The following CBFA2T2 variants were observed in gnomAD, a reference collection of about 807,000 sequenced individuals.
CBFA2T2 encodes CBFA2/RUNX1 partner transcriptional co-repressor 2.
In CBFA2T2, 11 loss-of-function variants were observed where a neutral mutation model predicts 62.2. The observed-to-expected ratio is 0.18, with a 90% CI of 0.11 to 0.29. CBFA2T2 has a LOEUF of 0.29. Among genes scored for constraint, CBFA2T2 ranks in the 10% least tolerant of loss-of-function variants. CBFA2T2 has a pLI of 1.00. For synonymous variants in CBFA2T2, 295 were observed against 287.5 expected (o/e 1.03, Z -0.27); for missense variants, 592 against 774.1 (o/e 0.76, Z 2.79).
intron 9 of CBFA2T2, among the ~76,000 whole-genome samples, chr20:33,639,878 G>A (rs913985621): frequency 3.3e-5 from 5 of 152,054 alleles, no homozygotes; most frequent in Non-Finnish European, 1.5e-5. Context: ...AACAGAGCAA[G>A]GCCCTGTCTC....
At chr20:33,576,999 T>C (rs898553563) in intron 1 of CBFA2T2, among the ~76,000 whole-genome samples, 2 of 152,240 alleles carry the variant, frequency 1.3e-5, no homozygotes, top group African/African-American at 4.8e-5. Context: ...CAAAAAAAGA[T>C]GGAGCACTCC....
intron 1 of CBFA2T2, among the ~76,000 whole-genome samples, chr20:33,574,486 G>A (rs1420483820): frequency 1.3e-5 from 2 of 152,110 alleles, no homozygotes; most frequent in East Asian, 1.9e-4. Flanking sequence ...TTAGCCAGGC[G>A]TGGTGGCACA....
In CBFA2T2 at chr20:33,645,341, G is replaced by A. The variant is rs529402099; in HGVS notation, c.*695G>A. 3 of 152,286 alleles carry A rather than the reference G, an allele frequency of 2.0e-5. No homozygotes were observed. The East Asian group carries it at 5.8e-4, about 29-fold the overall frequency. 9.4% of individuals were successfully genotyped at this position (152,286 alleles called of 1,614,324 possible). ...AACCTTGCTGGCTACTTTAGTTTGG[G>A]ACCTGTTTTTTTTCTCATTTGATTT... is the stretch of plus-strand genomic sequence containing the variant. On this transcript the variant is annotated 3_prime_UTR_variant, in exon 11 of 11. Transcript: ENST00000342704.
chr20:33,647,538 C>A lies in CBFA2T2; in HGVS notation c.*2892C>A, dbSNP rs1046849426. The A allele has an allele frequency of 6.6e-6, 1 of 152,216 alleles. No individual in the cohort carries two copies. Among genetic ancestry groups the A allele is most frequent in the Non-Finnish European group, 1.5e-5 (1 of 68,060 alleles). 9.4% of individuals were successfully genotyped at this position (152,216 alleles called of 1,614,324 possible). On this transcript the variant is annotated 3_prime_UTR_variant, in exon 11 of 11. Coordinates refer to ENST00000342704, the MANE Select transcript of CBFA2T2 (RefSeq NM_001032999.3). ...ACCTCAGGTGATCCCCCCACCTTGG[C>A]CTCCCAAAGTGCCAGGATTACAGGC...
chr20:33,536,932 C>T (rs1263325440), intron 1 of CBFA2T2, among the ~76,000 whole-genome samples: 1 of 151,522 alleles, frequency 6.6e-6, no homozygotes, highest in Non-Finnish European at 1.5e-5. Flanking sequence ...GATGGGATGG[C>T]GGCCGGGCAG....
chr20:33,576,488 G>A (rs551305405), intron 1 of CBFA2T2, among the ~76,000 whole-genome samples: 1 of 152,336 alleles, frequency 6.6e-6, no homozygotes, highest in East Asian at 1.9e-4. Context: ...GCCCCTCAGG[G>A]ATAGGAAATA....
At chr20:33,642,608 AAAAAAAG>A (rs971531046) in intron 10 of CBFA2T2, among the ~76,000 whole-genome samples, 2 of 152,082 alleles carry the variant, frequency 1.3e-5, no homozygotes, top group Non-Finnish European at 1.5e-5. Flanking sequence ...CTCTTTAAAA[AAAAAAAG>A]AAAAAAGAAA....
At chr20:33,584,145 T>C (rs1046542145) in intron 1 of CBFA2T2, among the ~76,000 whole-genome samples, 1 of 152,042 alleles carries the variant, frequency 6.6e-6, no homozygotes, top group African/African-American at 2.4e-5. Flanking sequence ...GATGAGGTTT[T>C]GCCATGTTGT....
Position 33,641,183 on chromosome 20 carries a change from C to A in CBFA2T2, c.1488+652C>A, listed in dbSNP as rs2016824310. On this transcript the variant is annotated intron_variant, in intron 10 of 10. Coordinates refer to ENST00000342704, the MANE Select transcript of CBFA2T2 (RefSeq NM_001032999.3). The stretch of plus-strand genomic sequence containing the variant: ...GAGCAGCTGGGACTACAGGTGCCTG[C>A]CACCACACCCGGCTAATTTTTTGTA... Among the ~76,000 whole-genome samples the A allele has an allele frequency of 2.6e-5, 4 of 152,114 alleles. 1 individual carries two copies. In the South Asian group the frequency reaches 8.3e-4, roughly 32 times the overall value.
chr20:33,634,595 C>T (rs1268033485), intron 8 of CBFA2T2, among the ~76,000 whole-genome samples: 2 of 142,686 alleles, frequency 1.4e-5, no homozygotes, highest in African/African-American at 5.2e-5. Context: ...GGCTTGAGCC[C>T]AGGAGGCAGA....
In CBFA2T2 at chr20:33,648,837, A is replaced by T. The variant is rs2017143870; in HGVS notation, c.*4191A>T. On this transcript the variant is annotated 3_prime_UTR_variant, in exon 11 of 11. Coordinates refer to ENST00000342704, the MANE Select transcript of CBFA2T2 (RefSeq NM_001032999.3). ...AACTTGACATCTTCAGCTTCCAGAC[A>T]GAAAACCCATGCTTTACTTTGTACA... 1 of 152,206 alleles carries T rather than the reference A, an allele frequency of 6.6e-6. No homozygotes were observed. The allele number at this position is 152,206 out of a possible 1,614,324, so 9.4% of individuals were successfully genotyped here.
intron 1 of CBFA2T2, among the ~76,000 whole-genome samples, chr20:33,516,208 A>G (rs538734838): frequency 6.6e-6 from 1 of 152,286 alleles, no homozygotes; most frequent in South Asian, 2.1e-4. Flanking sequence ...GGTGGCTCAC[A>G]CTTGTAGTCC....
chr20:33,571,107 G>A (rs1417031562), intron 1 of CBFA2T2, among the ~76,000 whole-genome samples: 1 of 152,200 alleles, frequency 6.6e-6, no homozygotes. Context: ...ATGAATTGAA[G>A]TGTTTCCCTG....
chr20:33,585,008 G>A (rs2014303288), intron 1 of CBFA2T2, among the ~76,000 whole-genome samples: 1 of 152,068 alleles, frequency 6.6e-6, no homozygotes, highest in African/African-American at 2.4e-5. Flanking sequence ...AGAAGGGCTG[G>A]GGTTTAGGGC....
chr20:33,610,213 C>T (rs1202469019), intron 2 of CBFA2T2, among the ~76,000 whole-genome samples: 2 of 152,130 alleles, frequency 1.3e-5, no homozygotes, highest in African/African-American at 4.8e-5. Flanking sequence ...CACCTGAGTC[C>T]AGGAGGTCGA....
Position 33,644,865 on chromosome 20 carries a change from C to A in CBFA2T2, c.*219C>A. On this transcript the variant is annotated 3_prime_UTR_variant, in exon 11 of 11. Coordinates refer to ENST00000342704, the MANE Select transcript of CBFA2T2 (RefSeq NM_001032999.3). ...CATTCTCTGCACATGGGCAGCCAGC[C>A]TGAGCTGCCTCCTCCATGGCTTTCC... The A allele has an allele frequency of 1.8e-6, 1 of 556,228 alleles. No individual in the cohort carries two copies. The highest frequency in any genetic ancestry group is 3.1e-6 in the Non-Finnish European group (1 of 319,250). 34.5% of individuals were successfully genotyped at this position (556,228 alleles called of 1,614,324 possible).
intron 1 of CBFA2T2, among the ~76,000 whole-genome samples, chr20:33,596,917 CTG>C (rs907783797): frequency 1.5e-5 from 2 of 134,706 alleles, no homozygotes; most frequent in African/African-American, 6.0e-5. Context: ...TTCTTGACCT[CTG>C]TTTTTTTTTT....
chr20:33,534,501 C>T (rs886782024), intron 1 of CBFA2T2, among the ~76,000 whole-genome samples: 19 of 152,002 alleles, frequency 1.2e-4, no homozygotes, highest in Admixed American at 2.0e-4. Flanking sequence ...TTAGTAGAGA[C>T]GAGGTTTCAC....
At position 33,567,577 on chromosome 20, in the gene CBFA2T2, CT is replaced by C. The variant is rs373964050; in HGVS notation, c.35-39362del. Among the ~76,000 whole-genome samples, 1,052 of 138,668 alleles carry C rather than the reference CT, an allele frequency of 7.6e-3. 1 individual carries two copies. Among genetic ancestry groups the C allele is most frequent in the African/African-American group, 7.6e-3 (289 of 37,958 alleles). The allele number at this position is 138,668 out of a possible 152,430, so 91.0% of individuals were successfully genotyped here. A position where few individuals can be genotyped will look rare whatever the true frequency, so the allele number is the denominator to read the frequency against. On this transcript the variant is annotated intron_variant, in intron 1 of 10. Transcript: ENST00000342704. Reference sequence around the variant, plus strand: ...TACTGTGCCTACTTTGTAAATTAAACTTTTTTTTTTTTTTTTTAATTTGAGA... The same window carrying C: ...TACTGTGCCTACTTTGTAAATTAAACTTTTTTTTTTTTTTTTAATTTGAGA...
Sources: allele counts gnomAD v4.1 joint callset (sites outside exome capture counted in the v4.1 genomes callset), GRCh38; gene constraint gnomAD v4.1.1; transcripts MANE v1.5; gene names NCBI Gene and HGNC (gene_info 2026-07-23, HGNC 2026-07-21).